MS4A5: variants seen among roughly 807,000 people sequenced by gnomAD.
MS4A5 encodes the protein membrane-spanning 4-domains subfamily A member 5.
A neutral mutation model predicts 18.2 loss-of-function variants in MS4A5; 15 were observed. The ratio of observed to expected loss-of-function variants is 0.83; its 90% CI spans 0.55 to 1.27. MS4A5 has a LOEUF of 1.27. Ranked by LOEUF, MS4A5 falls within the 50% of genes most tolerant of loss-of-function variation. MS4A5 has a pLI of 0.00. For missense variants in MS4A5, 232 were observed against 225.7 expected (o/e 1.03, Z -0.18); for synonymous variants, 89 against 78.7 (o/e 1.13, Z -0.69).
Position 60,437,517 on chromosome 11 carries a change from T to C in MS4A5, c.492+3600T>C, listed in dbSNP as rs572984236. 7.3e-3 allele frequency among the ~76,000 whole-genome samples: 1,111 copies of C among 152,268 alleles called. 12 individuals are homozygous for C. The highest frequency in any genetic ancestry group is 0.026 in the African/African-American group (1,065 of 41,528). The stretch of plus-strand genomic sequence containing the variant: ...GTCAAGACCCATCAGTGTGCTGTAT[T>C]CAGGAAATGCATCTCATGTGCAGAG... On this transcript the variant is annotated intron_variant, in intron 4 of 4. Coordinates refer to ENST00000300190, the MANE Select transcript of MS4A5 (RefSeq NM_023945.3).
In MS4A5 at chr11:60,430,879, T is replaced by A; in HGVS notation, c.237T>A (p.Phe79Leu). The change falls in exon 2 of 5, where the codon TTT becomes TTA. Residue 79 changes from phenylalanine to leucine, a missense_variant. Coordinates refer to ENST00000300190, the MANE Select transcript of MS4A5 (RefSeq NM_023945.3). ...CCTTGTTAAAACCATATCCAAGGTT[T>A]CCCTTTATATTTCTTTCAGGATATC... The part of the protein sequence containing the change: ...LFTLLKPYPR[F>L]PFIFLSGYPF... 6.2e-7 allele frequency: 1 copy of A among 1,613,406 alleles called. No individual in the cohort carries two copies. The highest frequency in any genetic ancestry group is 1.3e-5 in the African/African-American group (1 of 75,036).
At chr11:60,441,806 A>G (rs2086114749) in intron 4 of MS4A5, among the ~76,000 whole-genome samples, 1 of 152,180 alleles carries the variant, frequency 6.6e-6, no homozygotes, top group African/African-American at 2.4e-5. Context: ...AACAAAACAC[A>G]ACTGCATTCT....
chr11:60,445,738 G>GAAACTACAATGGCC (rs1439734530), intron 4 of MS4A5, among the ~76,000 whole-genome samples: 1 of 152,098 alleles, frequency 6.6e-6, no homozygotes, highest in Admixed American at 6.6e-5. Flanking sequence ...TTACAAAAAG[G>GAAACTACAATGGCC]AAACTACAAT....
chr11:60,429,937 G>A, intron 1 of MS4A5, 110 bp downstream of exon 1: 1 of 1,057,346 alleles, frequency 9.5e-7, no homozygotes, highest in Non-Finnish European at 1.3e-6. Flanking sequence ...TCTTCTTTAA[G>A]ACAATGTGAA....
intron 4 of MS4A5, among the ~76,000 whole-genome samples, chr11:60,442,310 GCAGTGAGAA>G (rs1157979941): frequency 6.6e-6 from 1 of 152,148 alleles, no homozygotes; most frequent in Non-Finnish European, 1.5e-5. Flanking sequence ...TATCACTTTT[GCAGTGAGAA>G]CACTTAACAT....
chr11:60,446,678 AG>A (rs1281107186), intron 4 of MS4A5, among the ~76,000 whole-genome samples: 6 of 151,596 alleles, frequency 4.0e-5, no homozygotes, highest in Non-Finnish European at 5.9e-5. Flanking sequence ...GGTTGCAGTG[AG>A]CCGAGATCCT....
In MS4A5 at chr11:60,437,574, G is replaced by A. The variant is rs1360155383; in HGVS notation, c.492+3657G>A. 1.3e-5 allele frequency among the ~76,000 whole-genome samples: 2 copies of A among 151,998 alleles called. 1 individual carries two copies. The highest frequency in any genetic ancestry group is 4.8e-5 in the African/African-American group (2 of 41,376). ...ATAGGCTCAAAATAAAAGGATGGAG[G>A]AAGTTCTACCAAGCAAATGGAAAAC... On this transcript the variant is annotated intron_variant, in intron 4 of 4. Coordinates refer to ENST00000300190, the MANE Select transcript of MS4A5 (RefSeq NM_023945.3).
At chr11:60,440,520 C>G (rs1243551650) in intron 4 of MS4A5, among the ~76,000 whole-genome samples, 8 of 129,120 alleles carry the variant, frequency 6.2e-5, no homozygotes, top group East Asian at 6.1e-4. Flanking sequence ...TTTTTGCAAC[C>G]TACTCATCTG....
Position 60,433,821 on chromosome 11 carries a change from C to A in MS4A5, c.396C>A (p.Ile132=). ...FLSALGAIAG[I]ILLTFGFILD... The stretch of plus-strand genomic sequence containing the variant: ...GTGCCCTGGGAGCAATAGCTGGAAT[C>A]ATTCTCCTCACATTTGGTTTCATCC... Residue 132 remains isoleucine, a synonymous_variant, in exon 4 of 5, where the codon ATC becomes ATA. Coordinates refer to ENST00000300190, the MANE Select transcript of MS4A5 (RefSeq NM_023945.3). 6.2e-7 allele frequency: 1 copy of A among 1,613,816 alleles called. No individual in the cohort carries two copies. Among genetic ancestry groups the A allele is most frequent in the South Asian group, 1.1e-5 (1 of 91,054 alleles).
intron 2 of MS4A5, among the ~76,000 whole-genome samples, chr11:60,432,173 TA>T (rs376642342): frequency 4.7e-4 from 72 of 152,082 alleles, no homozygotes; most frequent in African/African-American, 1.7e-3. Context: ...CCTGTACGGT[TA>T]AAAAAAATGT....
At chr11:60,447,179 G>A (rs560076078) in intron 4 of MS4A5, among the ~76,000 whole-genome samples, 32 of 150,378 alleles carry the variant, frequency 2.1e-4, no homozygotes, top group African/African-American at 7.1e-4. Context: ...GTTATGCTAT[G>A]CTATGCTATC....
intron 2 of MS4A5, 138 bp downstream of exon 2, chr11:60,431,062 C>T (rs2086046242): frequency 1.1e-6 from 1 of 870,828 alleles, no homozygotes; most frequent in Non-Finnish European, 1.7e-6. Context: ...GAAATTATTT[C>T]CCCATTAGTT....
chr11:60,434,050 CATA>C, intron 4 of MS4A5, 133 bp downstream of exon 4: 1 of 817,504 alleles, frequency 1.2e-6, no homozygotes, highest in East Asian at 2.5e-5. Context: ...TTATGAAATC[CATA>C]ATATTTGATA....
intron 4 of MS4A5, among the ~76,000 whole-genome samples, chr11:60,445,542 G>T: frequency 6.6e-6 from 1 of 152,170 alleles, no homozygotes; most frequent in East Asian, 1.9e-4. Context: ...TTACAGGCAT[G>T]AGCTGGCGCA....
At position 60,447,671 on chromosome 11, in the gene MS4A5, C is replaced by T. The variant is rs371622999; in HGVS notation, c.515C>T (p.Thr172Ile). 6 of 1,586,982 alleles carry T rather than the reference C, an allele frequency of 3.8e-6. No individual in the cohort carries two copies. The highest frequency in any genetic ancestry group is 5.1e-6 in the Non-Finnish European group (6 of 1,171,262). Residue 172 changes from threonine (T) to isoleucine (I), a missense_variant, in exon 5 of 5, where the codon ACT (threonine) becomes ATT (isoleucine). By Grantham distance (89) the Thr-to-Ile change is moderately conservative. Coordinates refer to ENST00000300190, the MANE Select transcript of MS4A5 (RefSeq NM_023945.3). The part of the protein sequence containing the change: ...LFLGILITLM[T>I]FSIIELFISL... ...CAGGGAATTTTGATTACATTGATGA[C>T]TTTCAGCATTATTGAATTATTCATT...
At position 60,430,877 on chromosome 11, in the gene MS4A5, T is replaced by C. The variant is rs750359407; in HGVS notation, c.235T>C (p.Phe79Leu). The C allele has an allele frequency of 4.3e-5, 70 of 1,613,332 alleles. No homozygotes were observed. The highest frequency in any genetic ancestry group is 5.9e-5 in the Non-Finnish European group (70 of 1,179,912). Residue 79 changes from phenylalanine (F) to leucine (L), a missense_variant, in exon 2 of 5, where the codon TTT becomes CTT. Transcript: ENST00000300190. ...CACCTTGTTAAAACCATATCCAAGGTTTCCCTTTATATTTCTTTCAGGATA... is the reference window on the plus strand; with the variant it reads ...CACCTTGTTAAAACCATATCCAAGGCTTCCCTTTATATTTCTTTCAGGATA... ...LFTLLKPYPR[F>L]PFIFLSGYPF... is the part of the protein sequence containing the mutation.
At chr11:60,443,426 A>C (rs1440914508) in intron 4 of MS4A5, among the ~76,000 whole-genome samples, 1 of 152,110 alleles carries the variant, frequency 6.6e-6, no homozygotes, top group African/African-American at 2.4e-5. Flanking sequence ...AATTAAAAAC[A>C]AAATAATAGA....
rs2086044713 is a variant in MS4A5, at chr11:60,430,839, T to C, written c.197T>C (p.Val66Ala). 6.2e-7 allele frequency: 1 copy of C among 1,613,368 alleles called. No individual in the cohort carries two copies. The highest frequency in any genetic ancestry group is 1.7e-5 in the Admixed American group (1 of 59,966). Residue 66 changes from valine to alanine, a missense_variant, in exon 2 of 5, where the codon GTT becomes GCT. Val to Ala is a moderately conservative substitution (Grantham distance 64). Coordinates refer to ENST00000300190, the MANE Select transcript of MS4A5 (RefSeq NM_023945.3). The stretch of plus-strand genomic sequence containing the variant: ...GGAATTATGACCTTTTCTTTTGGAG[T>C]TATCTTCCTTTTCACCTTGTTAAAA... ...LFGIMTFSFG[V>A]IFLFTLLKPY...
At chr11:60,436,518 C>T (rs1565187572) in intron 4 of MS4A5, among the ~76,000 whole-genome samples, 2 of 135,558 alleles carry the variant, frequency 1.5e-5, no homozygotes, top group African/African-American at 5.0e-5. Flanking sequence ...AGGTTGAAAA[C>T]TTTGAAAAAA....
Sources: gnomAD v4.1 joint callset for allele counts (sites outside exome capture counted in the v4.1 genomes callset) on GRCh38, gnomAD v4.1.1 for gene constraint, MANE v1.5 for transcripts, NCBI Gene and HGNC (gene_info 2026-07-23, HGNC 2026-07-21) for gene names.